The following PFKFB1 variants were observed in gnomAD, a reference collection of about 807,000 sequenced individuals.
PFKFB1 encodes 6-phosphofructo-2-kinase/fructose-2,6-bisphosphatase 1.
PFKFB1 carries 34 observed loss-of-function variants against 46.4 expected under a neutral mutation model. The ratio of observed to expected loss-of-function variants is 0.73; its 90% CI spans 0.56 to 0.98. PFKFB1 has a LOEUF of 0.98. Among genes scored for constraint, PFKFB1 ranks in the 50% least tolerant of loss-of-function variants. The pLI is 0.00. For synonymous variants in PFKFB1, 119 were observed against 133.8 expected (o/e 0.89, Z 0.76); for missense variants, 393 against 376.3 (o/e 1.04, Z -0.37).
chrX:54,979,351 T>C (rs188820371), intron 1 of PFKFB1, among the ~76,000 whole-genome samples: 2 of 111,352 alleles, frequency 1.8e-5, no homozygotes, highest in Admixed American at 1.9e-4. Context: ...GGTCACATTT[T>C]CCTCAAGCTC....
chrX:54,971,988 T>A, intron 1 of PFKFB1, among the ~76,000 whole-genome samples: 1 of 111,653 alleles, frequency 9.0e-6, no homozygotes, highest in Non-Finnish European at 1.9e-5. Flanking sequence ...TGTTCTTCCA[T>A]TTGTTTGTGT....
chrX:54,967,222 T>C (rs773803517), intron 1 of PFKFB1, among the ~76,000 whole-genome samples: 2 of 112,169 alleles, frequency 1.8e-5, no homozygotes, highest in African/African-American at 6.5e-5. Flanking sequence ...CCATAAAAAT[T>C]TCAATTAACA....
chrX:54,973,214 A>G (rs1417082971), intron 1 of PFKFB1, among the ~76,000 whole-genome samples: 1 of 110,734 alleles, frequency 9.0e-6, no homozygotes, highest in African/African-American at 3.3e-5. Context: ...TATTGCGTCT[A>G]TTTGCTTCTT....
chrX:54,994,078 C>T lies in PFKFB1; in HGVS notation c.-71G>A. 8.7e-7 allele frequency: 1 copy of T among 1,155,569 alleles called. No individual in the cohort carries two copies. Among genetic ancestry groups the T allele is most frequent in the Non-Finnish European group, 1.2e-6 (1 of 866,430 alleles). On this transcript the variant is annotated 5_prime_UTR_variant, in exon 1 of 14. Transcript: ENST00000375006. ...CCTCACTTCCTATCTTACTAGCTGTCTTTTCTCTCGCTGTGGCCACAGCAG... is the reference window on the plus strand; with the variant it reads ...CCTCACTTCCTATCTTACTAGCTGTTTTTTCTCTCGCTGTGGCCACAGCAG...
intron 1 of PFKFB1, among the ~76,000 whole-genome samples, chrX:54,973,344 G>A (rs1283106194): frequency 9.0e-6 from 1 of 111,056 alleles, no homozygotes; most frequent in Non-Finnish European, 1.9e-5. Flanking sequence ...ATTTTCTTCA[G>A]TTCTGCTCTG....
At chrX:54,957,930 C>G (rs778614365) in intron 6 of PFKFB1, among the ~76,000 whole-genome samples, 5 of 111,422 alleles carry the variant, frequency 4.5e-5, no homozygotes, top group African/African-American at 1.3e-4. Context: ...GGCAGACAGC[C>G]AAGCCTGAGG....
At chrX:54,939,575 C>T (rs1299228349) in intron 10 of PFKFB1, among the ~76,000 whole-genome samples, 12 of 111,719 alleles carry the variant, frequency 1.1e-4, no homozygotes, top group Non-Finnish European at 2.3e-4. Context: ...CCACCGATCC[C>T]ACAGATACAC....
At chrX:54,973,745 C>G (rs1041637414) in intron 1 of PFKFB1, among the ~76,000 whole-genome samples, 2 of 110,776 alleles carry the variant, frequency 1.8e-5, no homozygotes, top group Non-Finnish European at 3.8e-5. Flanking sequence ...TTGCCGAGGA[C>G]AGCTTTACTT....
rs1235697722 is a variant in PFKFB1 at position 54,986,190 on chromosome X, G to A, written c.97+7721C>T. ...ATACAAGGCAGGCCTGGTGGCTCAC[G>A]CCTATAATCCGAGCACTTTGGGAAA... On this transcript the variant is annotated intron_variant, in intron 1 of 13. Transcript: ENST00000375006. Among the ~76,000 whole-genome samples the A allele has an allele frequency of 6.2e-5, 7 of 112,071 alleles. No homozygotes were observed. The East Asian group carries it at 1.4e-3, about 22-fold the overall frequency.
chrX:54,960,145 C>T (rs1934266725), intron 3 of PFKFB1, among the ~76,000 whole-genome samples: 1 of 112,525 alleles, frequency 8.9e-6, no homozygotes, highest in African/African-American at 3.2e-5. Context: ...TCAGGAAAAG[C>T]TGAGCAATGA....
At chrX:54,969,462 C>T (rs1934576855) in intron 1 of PFKFB1, among the ~76,000 whole-genome samples, 1 of 111,753 alleles carries the variant, frequency 8.9e-6, no homozygotes, top group African/African-American at 3.3e-5. Context: ...GCCTCCAGAA[C>T]TGTAAGAAAT....
At chrX:54,970,214 T>C (rs886109353) in intron 1 of PFKFB1, among the ~76,000 whole-genome samples, 40 of 111,715 alleles carry the variant, frequency 3.6e-4, no homozygotes, top group African/African-American at 1.3e-3. Context: ...CGGCCCAAAA[T>C]CTATTTTTAA....
Position 54,933,303 on chromosome X carries a change from C to A in PFKFB1, c.*100G>T. On this transcript the variant is annotated 3_prime_UTR_variant, in exon 14 of 14. Transcript: ENST00000375006. ...GGACTTCTTCACTGGAAGTGGGGTG[C>A]CTCAGTGAGGCCAAGGCAGAGTAGG... The A allele has an allele frequency of 1.4e-6, 1 of 700,104 alleles. No homozygotes were observed. The highest frequency in any genetic ancestry group is 2.2e-6 in the Non-Finnish European group (1 of 446,077). The allele number at this position is 700,104 out of a possible 1,213,427, so 57.7% of individuals were successfully genotyped here.
intron 1 of PFKFB1, among the ~76,000 whole-genome samples, chrX:54,985,972 G>A (rs1355022312): frequency 9.0e-6 from 1 of 111,494 alleles, no homozygotes; most frequent in Non-Finnish European, 1.9e-5. Flanking sequence ...AAGCAGTAAA[G>A]GAAGAATAGA....
intron 3 of PFKFB1, among the ~76,000 whole-genome samples, chrX:54,960,357 A>C (rs751322116): frequency 8.9e-6 from 1 of 112,648 alleles, no homozygotes; most frequent in African/African-American, 3.2e-5. Context: ...TTCTATAATG[A>C]AGGCATAAGG....
rs182484748 is a variant in PFKFB1 at position 54,964,004 on chromosome X, C to G, written c.98-622G>C. Among the ~76,000 whole-genome samples, 47 of 111,374 alleles carry G rather than the reference C, an allele frequency of 4.2e-4. No homozygotes were observed. The East Asian group carries it at 6.2e-3, about 15-fold the overall frequency. On this transcript the variant is annotated intron_variant, in intron 1 of 13. Coordinates refer to ENST00000375006, the MANE Select transcript of PFKFB1 (RefSeq NM_002625.4). ...CACTGCAGCTGGCAGAGCAGAATGG[C>G]CAACATCACTGAAACTCTGCCCATA...
chrX:54,969,597 C>T (rs1008639710), intron 1 of PFKFB1, among the ~76,000 whole-genome samples: 4 of 112,151 alleles, frequency 3.6e-5, no homozygotes, highest in Non-Finnish European at 5.6e-5. Context: ...AATATCCATT[C>T]GTAATAAAAC....
rs759599398 is a variant in PFKFB1 at position 54,945,479 on chromosome X, C to T, written c.1058G>A (p.Arg353Gln). 3.3e-6 allele frequency: 4 copies of T among 1,202,652 alleles called. No homozygotes were observed. The highest frequency in any genetic ancestry group is 4.4e-5 in the Admixed American group (2 of 45,666). The change falls in exon 10 of 14, where the codon CGA becomes CAA. Residue 353 changes from arginine (R) to glutamine (Q), a missense_variant. Physicochemically the swap from Arg to Gln is conservative, Grantham distance 43. Transcript: ENST00000375006. ...GCGGTAGCGATATTTATCTTGGTCT[C>T]GCAGTGCAAATTCTTCAGGGTAATG... ...QEHYPEEFAL[R>Q]DQDKYRYRYP...
intron 12 of PFKFB1, 106 bp from the exon 13 acceptor site, chrX:54,933,991 T>A (rs1346866277): frequency 1.7e-6 from 1 of 582,115 alleles, no homozygotes; most frequent in African/African-American, 2.2e-5. Flanking sequence ...CCCAGCTTCA[T>A]ACTGTGTACA....
Sources: allele counts gnomAD v4.1 joint callset (sites outside exome capture counted in the v4.1 genomes callset), GRCh38; gene constraint gnomAD v4.1.1; transcripts MANE v1.5; gene names NCBI Gene and HGNC (gene_info 2026-07-23, HGNC 2026-07-21).